SPATA31H1: variants seen among roughly 807,000 people sequenced by gnomAD.
SPATA31H1 encodes spermatogenesis-associated protein 31H1.
the SPATA31H1 span, among the ~76,000 whole-genome samples, chr2:27,561,107 G>T: frequency 6.6e-6 from 1 of 152,176 alleles, no homozygotes; most frequent in Non-Finnish European, 1.5e-5. Flanking sequence ...AAGAAGGGTG[G>T]ATCACTTGAG....
At chr2:27,576,707 T>C in the SPATA31H1 span, 1 of 1,614,106 alleles carries the variant, frequency 6.2e-7, no homozygotes, top group Non-Finnish European at 8.5e-7. Flanking sequence ...TGTTGACTAG[T>C]GTCAGATTTT....
chr2:27,541,665 C>T, the SPATA31H1 span, among the ~76,000 whole-genome samples: 1 of 151,958 alleles, frequency 6.6e-6, no homozygotes, highest in Non-Finnish European at 1.5e-5. Flanking sequence ...AGAATATGAA[C>T]CATTGTGTTG....
At chr2:27,577,657 T>A in the SPATA31H1 span, 23 of 1,613,934 alleles carry the variant, frequency 1.4e-5, no homozygotes, top group African/African-American at 3.1e-4. The surrounding 1 kb of genome is among the most constrained non-coding windows in gnomAD (Gnocchi z 4.5). Context: ...CCTGAATCTG[T>A]GGAGTTGACT....
chr2:27,542,759 A>G, the SPATA31H1 span, among the ~76,000 whole-genome samples: 2 of 151,958 alleles, frequency 1.3e-5, no homozygotes, highest in Admixed American at 6.6e-5. Flanking sequence ...GGGGTCTCCT[A>G]CTTTTCCAGC....
At chr2:27,563,047 T>C in the SPATA31H1 span, among the ~76,000 whole-genome samples, 2 of 152,158 alleles carry the variant, frequency 1.3e-5, no homozygotes, top group African/African-American at 4.8e-5. Flanking sequence ...TTGGTTTACT[T>C]AATATCTTGA....
chr2:27,543,921 A>G, the SPATA31H1 span, among the ~76,000 whole-genome samples: 1,205 of 151,956 alleles, frequency 7.9e-3, 27 homozygotes, highest in African/African-American at 0.028. Context: ...ATTTTCGCAG[A>G]TCTAGACTTA....
At chr2:27,581,825 C>T in the SPATA31H1 span, 4 of 1,611,464 alleles carry the variant, frequency 2.5e-6, no homozygotes, top group Non-Finnish European at 8.5e-7. Flanking sequence ...GAAGACATCA[C>T]AGTCCCTCTG....
the SPATA31H1 span, among the ~76,000 whole-genome samples, chr2:27,539,987 C>T: frequency 6.0e-5 from 8 of 132,284 alleles, no homozygotes; most frequent in African/African-American, 1.7e-4. Flanking sequence ...CACCTCCCTC[C>T]CGGACTGGGC....
chr2:27,556,080 C>T, the SPATA31H1 span, among the ~76,000 whole-genome samples: 1 of 145,640 alleles, frequency 6.9e-6, no homozygotes, highest in Admixed American at 7.1e-5. Context: ...TGCAGTGAGC[C>T]GAGATCGCGC....
the SPATA31H1 span, chr2:27,581,057 C>T: frequency 3.1e-6 from 5 of 1,614,126 alleles, no homozygotes; most frequent in Non-Finnish European, 4.2e-6. Context: ...GAAATGAAAC[C>T]TCCAGCCAGG....
At chr2:27,560,720 G>A in the SPATA31H1 span, among the ~76,000 whole-genome samples, 1 of 152,152 alleles carries the variant, frequency 6.6e-6, no homozygotes, top group African/African-American at 2.4e-5. Flanking sequence ...GCCTCCCAAA[G>A]TGCTGGGATT....
At chr2:27,543,014 AC>A in the SPATA31H1 span, among the ~76,000 whole-genome samples, 6 of 151,888 alleles carry the variant, frequency 4.0e-5, no homozygotes, top group Non-Finnish European at 2.9e-5. Context: ...AGTGGCTTGA[AC>A]CTGGGAGGCG....
the SPATA31H1 span, among the ~76,000 whole-genome samples, chr2:27,550,672 A>T: frequency 6.6e-6 from 1 of 151,558 alleles, no homozygotes; most frequent in Non-Finnish European, 1.5e-5. Context: ...GCCTGCCTTG[A>T]CATCCCAAAG....
the SPATA31H1 span, among the ~76,000 whole-genome samples, chr2:27,558,609 C>T: frequency 9.8e-4 from 6 of 6,100 alleles, no homozygotes; most frequent in Non-Finnish European, 2.2e-3. Context: ...AGCCTGGGCA[C>T]CATTGAGCAC....
chr2:27,577,658 G>C, the SPATA31H1 span: 2 of 1,614,062 alleles, frequency 1.2e-6, no homozygotes, highest in Non-Finnish European at 1.7e-6. The surrounding 1 kb of genome is among the most constrained non-coding windows in gnomAD (Gnocchi z 4.5). Context: ...CTGAATCTGT[G>C]GAGTTGACTT....
chr2:27,537,808 C>T, the SPATA31H1 span, among the ~76,000 whole-genome samples: 1 of 152,116 alleles, frequency 6.6e-6, no homozygotes, highest in African/African-American at 2.4e-5. Flanking sequence ...TGGATATACA[C>T]ATAACTGGAA....
the SPATA31H1 span, chr2:27,577,321 A>G: frequency 5.6e-6 from 9 of 1,613,868 alleles, no homozygotes; most frequent in African/African-American, 1.2e-4. This position sits in a 1 kb window ranked among gnomAD's most constrained non-coding sequence, Gnocchi z 4.5. Context: ...GATGTGGGGG[A>G]GTTATATATG....
chr2:27,538,814 G>C, the SPATA31H1 span, among the ~76,000 whole-genome samples: 2 of 151,780 alleles, frequency 1.3e-5, no homozygotes, highest in Non-Finnish European at 2.9e-5. Context: ...CTGGGTGACA[G>C]AGCGAGACTC....
chr2:27,558,914 AGAG>A, the SPATA31H1 span, among the ~76,000 whole-genome samples: 1 of 49,644 alleles, frequency 2.0e-5, no homozygotes, highest in African/African-American at 8.3e-5. Flanking sequence ...AGGGAGAGGG[AGAG>A]GGAGGGGGAG....
Sources: gnomAD v4.1 joint callset for allele counts (sites outside exome capture counted in the v4.1 genomes callset) on GRCh38, gnomAD v4.1.1 for gene constraint, Gnocchi (gnomAD v3.1) non-coding constraint, MANE v1.5 for transcripts, NCBI Gene and HGNC (gene_info 2026-07-23, HGNC 2026-07-21) for gene names.